UBA5: variants seen among roughly 807,000 people sequenced by gnomAD.
UBA5 encodes ubiquitin-like modifier-activating enzyme 5.
Under a neutral mutation model 52.9 loss-of-function variants are expected in UBA5, and 28 were observed. The observed-to-expected ratio is 0.53, with a 90% CI of 0.39 to 0.73. UBA5 has a LOEUF of 0.73. Among genes scored for constraint, UBA5 ranks in the 30% least tolerant of loss-of-function variants. The pLI is 0.00. For missense variants in UBA5, 388 were observed against 492.7 expected (o/e 0.79, Z 2.01); for synonymous variants, 135 against 162.1 (o/e 0.83, Z 1.27).
chr3:132,666,515 A>G (rs1938385360), intron 3 of UBA5, among the ~76,000 whole-genome samples: 1 of 152,126 alleles, frequency 6.6e-6, no homozygotes, highest in African/African-American at 2.4e-5. Context: ...CTTTTTTCTA[A>G]AATTCATTTA....
chr3:132,659,935 T>C, upstream of UBA5: 1 of 650,046 alleles, frequency 1.5e-6, no homozygotes, highest in South Asian at 2.6e-5. Context: ...CCCGAGGTTT[T>C]AGCTCTAGTC....
At position 132,675,658 on chromosome 3, in the gene UBA5, A is replaced by G. The variant is rs1938806121; in HGVS notation, c.1002A>G (p.Ile334Met). The change falls in exon 10 of 12, where the codon ATA (isoleucine) becomes ATG (methionine). Residue 334 changes from isoleucine to methionine, a missense_variant. Ile to Met is a conservative substitution (Grantham distance 10). Around this residue, in one of 3 missense-constraint regions of UBA5, gnomAD observed 277 missense variants for 326.4 expected, o/e 0.85. Coordinates refer to ENST00000356232, the MANE Select transcript of UBA5 (RefSeq NM_024818.6). ...AGGTTATACAAGAAGAGGAAGAGAT[A>G]ATCCATGAAGATAATGAATGGGGTA... ...KQEVIQEEEE[I>M]IHEDNEWGIE... 3 of 1,612,544 alleles carry G rather than the reference A, an allele frequency of 1.9e-6. No individual in the cohort carries two copies. The highest frequency in any genetic ancestry group is 2.5e-6 in the Non-Finnish European group (3 of 1,179,080).
rs772532453 is a variant in UBA5 at position 132,672,091 on chromosome 3, G to T, written c.726G>T (p.Lys242Asn). ...PLVVAANIDE[K>N]TLKREGVCAA... ...TAGTTGCTGCAAATATTGATGAAAA[G>T]ACTCTGAAACGAGAAGGTGTTTGTG... Residue 242 changes from lysine to asparagine, a missense_variant, in exon 8 of 12, where the codon AAG (lysine) becomes AAT (asparagine). Transcript: ENST00000356232. The T allele has an allele frequency of 8.7e-6, 14 of 1,613,820 alleles. No homozygotes were observed. The Admixed American group carries it at 2.3e-4, about 27-fold the overall frequency.
chr3:132,660,311 G>A (rs536814531), upstream of UBA5: 1 of 607,546 alleles, frequency 1.6e-6, no homozygotes, highest in Admixed American at 3.0e-5. This position sits in a 1 kb window ranked among gnomAD's most constrained non-coding sequence, Gnocchi z 4.1. Context: ...TTTGATGAGG[G>A]GGAGCGATGT....
rs1204075201 is a variant in UBA5 at position 132,678,989 on chromosome 3, A to AT, written c.*2470dup. 6.6e-6 allele frequency among the ~76,000 whole-genome samples: 1 copy of AT among 150,934 alleles called. No individual in the cohort carries two copies. Among genetic ancestry groups the AT allele is most frequent in the Admixed American group, 6.6e-5 (1 of 15,112 alleles). ...AAGGAAGCTTTGACCCCTGCATCAC[A>AT]TTTTTTTCATATTTCCCTTTCTGTA... On this transcript the variant is annotated 3_prime_UTR_variant, in exon 12 of 12. Transcript: ENST00000356232.
chr3:132,677,045 T>C lies in UBA5; in HGVS notation c.*519T>C, dbSNP rs1938869333. The C allele has an allele frequency of 3.5e-6, 1 of 285,172 alleles. No homozygotes were observed. Among genetic ancestry groups the C allele is most frequent in the Non-Finnish European group, 7.1e-6 (1 of 140,382 alleles). 17.7% of individuals were successfully genotyped at this position (285,172 alleles called of 1,614,324 possible). A position where few individuals can be genotyped will look rare whatever the true frequency, so the allele number is the denominator to read the frequency against. On this transcript the variant is annotated 3_prime_UTR_variant, in exon 12 of 12. Transcript: ENST00000356232. Reference sequence around the variant, plus strand: ...TTGATCAACAATGAATTCAAAATAGTTAACCTATGAAATAACATCCTCTCA... The same window carrying C: ...TTGATCAACAATGAATTCAAAATAGCTAACCTATGAAATAACATCCTCTCA...
At chr3:132,669,776 G>C (rs1373157088) in intron 4 of UBA5, among the ~76,000 whole-genome samples, 1 of 152,156 alleles carries the variant, frequency 6.6e-6, no homozygotes, top group African/African-American at 2.4e-5. Flanking sequence ...CTGAGTTGTA[G>C]GTAGTTACTG....
At chr3:132,675,794 C>T in intron 10 of UBA5, 23 bp from the exon 11 acceptor site, 1 of 1,578,308 alleles carries the variant, frequency 6.3e-7, no homozygotes, top group East Asian at 2.2e-5. Flanking sequence ...TCCTTAAAAA[C>T]TGACATAGGA....
In UBA5 at chr3:132,660,557, G is replaced by A. The variant is rs770749604; in HGVS notation, c.20G>A (p.Arg7His). Reference sequence around the variant, plus strand: ...CCAGCCATGGCGGAGTCTGTGGAGCGCCTGCAGCAGCGGGTCCAGGAGCTG... The same window carrying A: ...CCAGCCATGGCGGAGTCTGTGGAGCACCTGCAGCAGCGGGTCCAGGAGCTG... MAESVE[R>H]LQQRVQELER... Residue 7 changes from arginine to histidine, a missense_variant, in exon 1 of 12, where the codon CGC (arginine) becomes CAC (histidine). This residue lies in a region of UBA5 where 95 missense variants were observed against 107.0 expected (regional missense o/e 0.89). Coordinates refer to ENST00000356232, the MANE Select transcript of UBA5 (RefSeq NM_024818.6). The surrounding 1 kb of genome is among the most constrained non-coding windows in gnomAD (Gnocchi z 4.1). 303 of 1,549,556 alleles carry A rather than the reference G, an allele frequency of 2.0e-4. 1 individual carries two copies. The highest frequency in any genetic ancestry group is 4.2e-4 in the Middle Eastern group (2 of 4,768).
chr3:132,669,668 G>C (rs550749614), intron 4 of UBA5, among the ~76,000 whole-genome samples: 40 of 152,278 alleles, frequency 2.6e-4, no homozygotes, highest in African/African-American at 8.2e-4. Flanking sequence ...AAAAACAGGT[G>C]GTGGGCCAGA....
upstream of UBA5, among the ~76,000 whole-genome samples, chr3:132,655,910 A>C (rs1439726807): frequency 6.6e-6 from 1 of 152,174 alleles, no homozygotes; most frequent in Non-Finnish European, 1.5e-5. Context: ...AATTTTTGCA[A>C]ATTTTAAAAG....
At chr3:132,659,437 C>G, upstream of UBA5, 3 of 922,704 alleles carry the variant, frequency 3.3e-6, no homozygotes, top group Non-Finnish European at 4.7e-6. Flanking sequence ...CCCCCAGCAT[C>G]GAATTCGGAG....
intron 1 of UBA5, among the ~76,000 whole-genome samples, chr3:132,662,728 T>G: frequency 6.6e-6 from 1 of 152,136 alleles, no homozygotes; most frequent in East Asian, 1.9e-4. Context: ...TATAAGCATG[T>G]GGAAAAATTG....
At chr3:132,675,507 T>A in intron 9 of UBA5, 98 bp from the exon 10 acceptor site, 1 of 1,513,142 alleles carries the variant, frequency 6.6e-7, no homozygotes, top group East Asian at 2.3e-5. Flanking sequence ...TGTTCTTTCT[T>A]GCTTTTGGTA....
At chr3:132,665,625 A>G (rs1479964104) in intron 1 of UBA5, 198 bp from the exon 2 acceptor site, 2 of 566,532 alleles carry the variant, frequency 3.5e-6, no homozygotes, top group African/African-American at 3.8e-5. Context: ...CATATGCTAC[A>G]CTTGGGAGAG....
At position 132,668,877 on chromosome 3, in the gene UBA5, A is replaced by G. The variant is rs1162738241; in HGVS notation, c.357A>G (p.Gln119=). The G allele has an allele frequency of 1.9e-6, 3 of 1,611,600 alleles. No individual in the cohort carries two copies. The highest frequency in any genetic ancestry group is 2.5e-6 in the Non-Finnish European group (3 of 1,179,332). The change falls in exon 4 of 12, where the codon CAA becomes CAG. Residue 119 remains glutamine (Q), a synonymous_variant. Coordinates refer to ENST00000356232, the MANE Select transcript of UBA5 (RefSeq NM_024818.6). ...ELANMNRLFF[Q]PHQAGLSKVQ... is the part of the protein sequence containing the mutation. ...CCAATATGAATAGACTTTTCTTCCA[A>G]CCTCATCAAGCAGGATTAAGTAAAG...
intron 3 of UBA5, among the ~76,000 whole-genome samples, chr3:132,666,572 T>A (rs756713587): frequency 3.3e-5 from 5 of 152,154 alleles, no homozygotes; most frequent in Admixed American, 6.6e-5. Context: ...GAATTCAGTC[T>A]ACCAATCTTA....
At chr3:132,659,938 CTCTAG>C (rs760603622), upstream of UBA5, 36 of 638,626 alleles carry the variant, frequency 5.6e-5, no homozygotes, top group Non-Finnish European at 8.1e-5. Context: ...GAGGTTTTAG[CTCTAG>C]TCAAGTGCCA....
chr3:132,674,463 G>A (rs541080362), intron 8 of UBA5, among the ~76,000 whole-genome samples: 103 of 152,300 alleles, frequency 6.8e-4, no homozygotes, highest in African/African-American at 2.3e-3. Context: ...CAAGGCAGGC[G>A]GATTGCTTGA....
Sources: allele counts gnomAD v4.1 joint callset (sites outside exome capture counted in the v4.1 genomes callset), GRCh38; gene constraint gnomAD v4.1.1; regional missense constraint gnomAD v4.1.1; non-coding constraint Gnocchi (gnomAD v3.1); transcripts MANE v1.5; gene names NCBI Gene and HGNC (gene_info 2026-07-23, HGNC 2026-07-21).